The following RGS7 variants were observed in gnomAD, a reference collection of about 807,000 sequenced individuals.
RGS7 encodes the protein regulator of G protein signaling 7.
A neutral mutation model predicts 81.1 loss-of-function variants in RGS7; 27 were observed. The observed-to-expected ratio is 0.33, with a 90% confidence interval of 0.25 to 0.46. The LOEUF is 0.46. Among genes scored for constraint, RGS7 ranks in the 20% least tolerant of loss-of-function variants. The probability of loss-of-function intolerance (pLI) is 1.00; values close to 1 mark genes in which losing one functional copy is unlikely to be tolerated. For missense variants in RGS7, 396 were observed against 607.4 expected, an observed-to-expected ratio of 0.65 and a Z score of 3.66; for synonymous variants, 208 against 207.7, an observed-to-expected ratio of 1.00 and a Z score of -0.01.
Position 241,284,909 on chromosome 1 carries a change from C to T in RGS7, c.78+70790G>A, listed in dbSNP as rs1026338026. On this transcript the variant is annotated intron_variant, in intron 2 of 18. Coordinates refer to ENST00000440928, the MANE Select transcript of RGS7 (RefSeq NM_001364886.1). ...TTTTTGAGATGGAGTCTCCCTCTGTCGCCCAGGCTGGAGTGCAGTGGCACG... is the reference window on the plus strand; with the variant it reads ...TTTTTGAGATGGAGTCTCCCTCTGTTGCCCAGGCTGGAGTGCAGTGGCACG... Among the ~76,000 whole-genome samples the T allele has an allele frequency of 3.3e-5, 5 of 151,912 alleles. No homozygotes were observed. In the East Asian group the frequency reaches 9.6e-4, roughly 29 times the overall value.
At position 241,345,659 on chromosome 1, in the gene RGS7, G is replaced by C. The variant is rs183280145; in HGVS notation, c.78+10040C>G. On this transcript the variant is annotated intron_variant, in intron 2 of 18. Transcript: ENST00000440928. ...ATTGCAATATAAACTGCAAGGCCTG[G>C]TATGGCATCTTGGAGAAGAAAAAAT... Among the ~76,000 whole-genome samples the C allele has an allele frequency of 1.1e-4, 17 of 152,270 alleles. No individual in the cohort carries two copies. In the East Asian group the frequency reaches 2.9e-3, roughly 26 times the overall value.
chr1:241,240,404 T>TC (rs2076206652), intron 2 of RGS7, among the ~76,000 whole-genome samples: 1 of 152,220 alleles, frequency 6.6e-6, no homozygotes, highest in Admixed American at 6.5e-5. Flanking sequence ...TAGATAGGTT[T>TC]GATGGAGCTG....
At chr1:241,263,386 G>A (rs2077432877) in intron 2 of RGS7, among the ~76,000 whole-genome samples, 1 of 152,102 alleles carries the variant, frequency 6.6e-6, no homozygotes, top group Non-Finnish European at 1.5e-5. Context: ...TGTCTCTGGG[G>A]AACATGTAGT....
chr1:241,194,093 CAATACATATTAGTCTTT>C (rs1004640433), intron 2 of RGS7, among the ~76,000 whole-genome samples: 1 of 152,176 alleles, frequency 6.6e-6, no homozygotes, highest in Admixed American at 6.5e-5. Context: ...TTAGACAGCA[CAATACATATTAGTCTTT>C]AATTTATTTC....
In RGS7 at chr1:241,255,565, A is replaced by AG. The variant is rs544554725; in HGVS notation, c.78+100133dup. On this transcript the variant is annotated intron_variant, in intron 2 of 18. Coordinates refer to ENST00000440928, the MANE Select transcript of RGS7 (RefSeq NM_001364886.1). Reference sequence around the variant, plus strand: ...ACAATTGCTACATTTAAACCAAGTGAGGGGGGTAAAGAGAAACTGCTGTCA... The same window carrying AG: ...ACAATTGCTACATTTAAACCAAGTGAGGGGGGGTAAAGAGAAACTGCTGTCA... Among the ~76,000 whole-genome samples the AG allele has an allele frequency of 5.5e-3, 831 of 152,322 alleles. 6 individuals are homozygous for AG. Among genetic ancestry groups the AG allele is most frequent in the Non-Finnish European group, 9.4e-3 (642 of 68,022 alleles).
chr1:240,827,215 G>A, intron 9 of RGS7, 43 bp from the exon 10 acceptor site: 1 of 1,478,012 alleles, frequency 6.8e-7, no homozygotes, highest in Non-Finnish European at 9.5e-7. Context: ...CTTTGGGTGT[G>A]AAATTTCTGA....
chr1:241,141,124 G>A (rs894121066), intron 2 of RGS7, among the ~76,000 whole-genome samples: 4 of 152,242 alleles, frequency 2.6e-5, no homozygotes, highest in African/African-American at 4.8e-5. Context: ...CCATACAGGC[G>A]TTTTTTAGTA....
chr1:241,198,211 T>G (rs1235456542), intron 2 of RGS7, among the ~76,000 whole-genome samples: 1 of 151,916 alleles, frequency 6.6e-6, no homozygotes. Context: ...AAAGTCATGC[T>G]TAGAAAGAAA....
intron 2 of RGS7, among the ~76,000 whole-genome samples, chr1:241,138,815 T>A (rs372137321): frequency 6.6e-6 from 1 of 152,196 alleles, no homozygotes; most frequent in Admixed American, 6.5e-5. Flanking sequence ...CCTCATAATA[T>A]ATGCTTTTTT....
chr1:241,216,382 A>G (rs548427886), intron 2 of RGS7, among the ~76,000 whole-genome samples: 1 of 152,222 alleles, frequency 6.6e-6, no homozygotes, highest in Non-Finnish European at 1.5e-5. Context: ...CTGATTTGGT[A>G]CTGAATGATT....
At chr1:240,820,793 T>C (rs1303341446) in intron 10 of RGS7, among the ~76,000 whole-genome samples, 2 of 152,174 alleles carry the variant, frequency 1.3e-5, no homozygotes, top group Non-Finnish European at 2.9e-5. Flanking sequence ...ACATTTCTGT[T>C]GTTTATAAAT....
At chr1:241,117,698 G>A (rs925490136) in intron 2 of RGS7, among the ~76,000 whole-genome samples, 18 of 152,252 alleles carry the variant, frequency 1.2e-4, no homozygotes, top group Admixed American at 6.5e-4. Context: ...ACAGGCTTGA[G>A]TGGAAATAGA....
chr1:241,341,139 G>T (rs569038270), intron 2 of RGS7, among the ~76,000 whole-genome samples: 1 of 152,250 alleles, frequency 6.6e-6, no homozygotes, highest in South Asian at 2.1e-4. Context: ...TCACGAAATC[G>T]TAGAAATGGT....
intron 4 of RGS7, among the ~76,000 whole-genome samples, chr1:240,944,287 T>C (rs1678194613): frequency 3.5e-4 from 4 of 11,366 alleles, no homozygotes; most frequent in Admixed American, 2.0e-3. Context: ...TGTGTGTATA[T>C]ATATATATAT....
intron 2 of RGS7, among the ~76,000 whole-genome samples, chr1:241,148,347 G>A (rs2068506297): frequency 6.6e-6 from 1 of 152,040 alleles, no homozygotes. Flanking sequence ...CACCATGACT[G>A]GCCTCAGATT....
In RGS7 at chr1:240,777,803, C is replaced by T. The variant is rs146406403; in HGVS notation, c.*7-1590G>A. Among the ~76,000 whole-genome samples the T allele has an allele frequency of 2.7e-3, 413 of 152,198 alleles. 1 individual carries two copies. The highest frequency in any genetic ancestry group is 8.9e-3 in the African/African-American group (371 of 41,506). ...AAGGCTCCTGTTCATAAGGGCTTCACCTTCATGATCTAATGACCTTCCAAA... is the reference window on the plus strand; with the variant it reads ...AAGGCTCCTGTTCATAAGGGCTTCATCTTCATGATCTAATGACCTTCCAAA... On this transcript the variant is annotated intron_variant, in intron 18 of 18. Coordinates refer to ENST00000440928, the MANE Select transcript of RGS7 (RefSeq NM_001364886.1).
At chr1:241,153,351 A>T (rs1045602258) in intron 2 of RGS7, among the ~76,000 whole-genome samples, 28 of 152,256 alleles carry the variant, frequency 1.8e-4, no homozygotes, top group African/African-American at 6.5e-4. Flanking sequence ...TAACATGAGT[A>T]ATCATTGCTG....
At chr1:241,216,332 G>T (rs4660044) in intron 2 of RGS7, among the ~76,000 whole-genome samples, 3 of 151,750 alleles carry the variant, frequency 2.0e-5, no homozygotes, top group Non-Finnish European at 4.4e-5. Context: ...AATAAAAAGA[G>T]GTAAAACATG....
At chr1:241,186,830 T>C (rs2072167479) in intron 2 of RGS7, among the ~76,000 whole-genome samples, 1 of 152,130 alleles carries the variant, frequency 6.6e-6, no homozygotes, top group South Asian at 2.1e-4. Context: ...CCCGGCCATC[T>C]AACATAATTC....
Sources: allele counts gnomAD v4.1 joint callset (sites outside exome capture counted in the v4.1 genomes callset), GRCh38; gene constraint gnomAD v4.1.1; transcripts MANE v1.5; gene names NCBI Gene and HGNC (gene_info 2026-07-23, HGNC 2026-07-21).